The following ZBTB20 variants were observed in gnomAD, a reference collection of about 807,000 sequenced individuals.
ZBTB20 encodes zinc finger and BTB domain containing 20.
In ZBTB20, 9 loss-of-function variants were observed where a neutral mutation model predicts 56.9. The ratio of observed to expected loss-of-function variants is 0.16; its 90% CI spans 0.10 to 0.28. ZBTB20 has a LOEUF of 0.28. Ranked by LOEUF, ZBTB20 falls within the 10% of genes least tolerant of loss-of-function variation. The pLI is 1.00. For missense variants in ZBTB20, 655 were observed against 1,003.0 expected, an observed-to-expected ratio of 0.65 and a Z score of 4.69; for synonymous variants, 417 against 420.7, an observed-to-expected ratio of 0.99 and a Z score of 0.11.
intron 7 of ZBTB20, among the ~76,000 whole-genome samples, chr3:114,480,734 C>T (rs1342230794): frequency 1.3e-5 from 2 of 152,082 alleles, no homozygotes; most frequent in South Asian, 4.1e-4. Flanking sequence ...TGACACAATA[C>T]ATATTTCAAG....
intron 2 of ZBTB20, among the ~76,000 whole-genome samples, chr3:115,053,532 G>C (rs2081632575): frequency 6.6e-6 from 1 of 152,158 alleles, no homozygotes; most frequent in Non-Finnish European, 1.5e-5. Flanking sequence ...GGAATAGTGA[G>C]AGTACTTGCT....
At chr3:114,578,398 A>C (rs1347500659) in intron 6 of ZBTB20, among the ~76,000 whole-genome samples, 1 of 152,018 alleles carries the variant, frequency 6.6e-6, no homozygotes, top group Non-Finnish European at 1.5e-5. Context: ...ATGACAAAGG[A>C]ACAATAAAGA....
At chr3:114,441,995 T>C (rs1033619680) in intron 7 of ZBTB20, among the ~76,000 whole-genome samples, 57 of 152,010 alleles carry the variant, frequency 3.7e-4, no homozygotes, top group African/African-American at 1.3e-3. Context: ...ATAAGTAAAG[T>C]GAAAAGCTCC....
At chr3:114,384,133 T>A (rs1289485281) in intron 8 of ZBTB20, among the ~76,000 whole-genome samples, 1 of 149,648 alleles carries the variant, frequency 6.7e-6, no homozygotes, top group East Asian at 2.0e-4. Flanking sequence ...TCTCTCATTC[T>A]CTCTCTCTCT....
At chr3:114,686,986 T>A (rs556479316) in intron 6 of ZBTB20, among the ~76,000 whole-genome samples, 1 of 152,126 alleles carries the variant, frequency 6.6e-6, no homozygotes, top group Non-Finnish European at 1.5e-5. Context: ...ATAACTTCAG[T>A]GTAAGGCATG....
chr3:114,788,415 T>C (rs574082893), intron 5 of ZBTB20, among the ~76,000 whole-genome samples: 1 of 152,304 alleles, frequency 6.6e-6, no homozygotes, highest in South Asian at 2.1e-4. Flanking sequence ...TCTCTAGGAA[T>C]TTGACTATAC....
chr3:114,842,539 C>T (rs2074427712), intron 4 of ZBTB20, among the ~76,000 whole-genome samples: 1 of 152,094 alleles, frequency 6.6e-6, no homozygotes, highest in African/African-American at 2.4e-5. Context: ...AAATGGCAGA[C>T]ATAAGAACCA....
chr3:114,632,087 A>G (rs2058991834), intron 6 of ZBTB20, among the ~76,000 whole-genome samples: 1 of 152,160 alleles, frequency 6.6e-6, no homozygotes, highest in African/African-American at 2.4e-5. Flanking sequence ...CTCACCATTC[A>G]TCCGTTTTTA....
At chr3:114,810,697 A>C (rs1462395025) in intron 4 of ZBTB20, among the ~76,000 whole-genome samples, 3 of 152,292 alleles carry the variant, frequency 2.0e-5, no homozygotes, top group African/African-American at 7.2e-5. Context: ...AGTGGGCATA[A>C]ACGACTTATG....
At chr3:114,533,377 G>A (rs2048091828) in intron 6 of ZBTB20, among the ~76,000 whole-genome samples, 1 of 151,794 alleles carries the variant, frequency 6.6e-6, no homozygotes, top group Non-Finnish European at 1.5e-5. Context: ...CAATCAAGCA[G>A]AAGAAAGGAT....
intron 6 of ZBTB20, among the ~76,000 whole-genome samples, chr3:114,637,529 G>C (rs1235483975): frequency 6.6e-6 from 1 of 152,088 alleles, no homozygotes; most frequent in East Asian, 1.9e-4. Context: ...GGTGTATGCA[G>C]ACTATGTTAG....
chr3:114,562,882 G>A (rs1258097248), intron 6 of ZBTB20, among the ~76,000 whole-genome samples: 8 of 152,118 alleles, frequency 5.3e-5, no homozygotes, highest in Non-Finnish European at 2.9e-5. Flanking sequence ...TATGGGTGTG[G>A]TTTGTGGCAC....
intron 4 of ZBTB20, among the ~76,000 whole-genome samples, chr3:114,838,419 C>T (rs1168994828): frequency 6.6e-6 from 1 of 152,042 alleles, no homozygotes; most frequent in Non-Finnish European, 1.5e-5. Flanking sequence ...AGAAAGCTTT[C>T]CATATATTTA....
chr3:115,024,024 A>G (rs1411529560), intron 2 of ZBTB20, among the ~76,000 whole-genome samples: 1 of 151,090 alleles, frequency 6.6e-6, no homozygotes, highest in Non-Finnish European at 1.5e-5. Flanking sequence ...ATCTCATTTC[A>G]TAACTATACT....
intron 2 of ZBTB20, among the ~76,000 whole-genome samples, chr3:115,049,806 C>A (rs769838050): frequency 1.3e-5 from 2 of 151,986 alleles, no homozygotes; most frequent in Non-Finnish European, 2.9e-5. Flanking sequence ...GATTTATTAG[C>A]AAGGAATTAC....
At chr3:114,913,966 C>T (rs1232952426) in intron 3 of ZBTB20, among the ~76,000 whole-genome samples, 1 of 151,904 alleles carries the variant, frequency 6.6e-6, no homozygotes, top group African/African-American at 2.4e-5. Context: ...CAGTACCATG[C>T]TCTTTTGGTT....
At chr3:114,579,294 G>C (rs143505534) in intron 6 of ZBTB20, among the ~76,000 whole-genome samples, 6,311 of 151,510 alleles carry the variant, frequency 0.042, 181 homozygotes, top group South Asian at 0.08. Context: ...AATAAAAATA[G>C]AGCAAATATG....
chr3:114,792,609 T>C (rs2071041080), intron 5 of ZBTB20, among the ~76,000 whole-genome samples: 1 of 152,144 alleles, frequency 6.6e-6, no homozygotes, highest in Admixed American at 6.6e-5. Flanking sequence ...TTAGAATACT[T>C]GTTCAAGTGT....
chr3:114,819,982 T>A (rs1048359575), intron 4 of ZBTB20, among the ~76,000 whole-genome samples: 2 of 151,956 alleles, frequency 1.3e-5, no homozygotes, highest in Admixed American at 6.6e-5. Context: ...CTGCAATTTG[T>A]CATATATTTA....
Sources: allele counts gnomAD v4.1 joint callset (sites outside exome capture counted in the v4.1 genomes callset), GRCh38; gene constraint gnomAD v4.1.1; transcripts MANE v1.5; gene names NCBI Gene and HGNC (gene_info 2026-07-23, HGNC 2026-07-21).